Variants in PTPRN2 observed in about 807,000 individuals in gnomAD.
The protein encoded by PTPRN2 is protein tyrosine phosphatase receptor type N2, also known as receptor-type tyrosine-protein phosphatase N2.
In PTPRN2, 74 loss-of-function variants were observed where a neutral mutation model predicts 118.8. That is an observed-to-expected ratio of 0.62 (90% CI 0.52 to 0.76). The LOEUF is 0.76. Among genes scored for constraint, PTPRN2 ranks in the 30% least tolerant of loss-of-function variants. PTPRN2 has a pLI of 0.00. For missense variants in PTPRN2, 1,481 were observed against 1,394.4 expected (o/e 1.06, Z -0.99); for synonymous variants, 641 against 608.0 (o/e 1.05, Z -0.80).
At chr7:158,051,785 T>A (rs1214207321) in intron 11 of PTPRN2, among the ~76,000 whole-genome samples, 2 of 152,230 alleles carry the variant, frequency 1.3e-5, no homozygotes, top group African/African-American at 4.8e-5. Context: ...ATATGCCTCA[T>A]GTAAATTTAC....
At chr7:158,276,719 G>A (rs1006424622) in intron 3 of PTPRN2, among the ~76,000 whole-genome samples, 12 of 152,244 alleles carry the variant, frequency 7.9e-5, no homozygotes, top group East Asian at 1.9e-4. Context: ...GGAAGCTGAT[G>A]GATGTGGGTG....
chr7:157,895,349 C>A (rs956329048), intron 12 of PTPRN2, among the ~76,000 whole-genome samples: 9 of 147,952 alleles, frequency 6.1e-5, no homozygotes, highest in Admixed American at 1.3e-4. Context: ...AGGGTCTGAA[C>A]GAGTCAATAA....
At chr7:158,358,127 C>T (rs974000497) in intron 2 of PTPRN2, among the ~76,000 whole-genome samples, 4 of 152,214 alleles carry the variant, frequency 2.6e-5, no homozygotes, top group South Asian at 2.1e-4. Flanking sequence ...AACAGCAGCC[C>T]GGCTCACCCC....
In PTPRN2 at chr7:157,615,876, C is replaced by G. The variant is rs1037667111; in HGVS notation, c.2344+5486G>C. On this transcript the variant is annotated intron_variant, in intron 15 of 22. Transcript: ENST00000389418. The surrounding 1 kb of genome is among the most constrained non-coding windows in gnomAD (Gnocchi z 4.3). ...CACCGAAGACCTTAAGGAAAAGACT[C>G]TGGATGTTAGTGGGTTCGGCCTCAG... 3 of 337,980 alleles carry G rather than the reference C, an allele frequency of 8.9e-6. No homozygotes were observed. Among genetic ancestry groups the G allele is most frequent in the Non-Finnish European group, 1.7e-5 (3 of 171,786 alleles). The allele number at this position is 337,980 out of a possible 1,614,324, so 20.9% of individuals were successfully genotyped here.
At chr7:157,712,994 T>C (rs530411638) in intron 12 of PTPRN2, among the ~76,000 whole-genome samples, 1 of 152,266 alleles carries the variant, frequency 6.6e-6, no homozygotes, top group Non-Finnish European at 1.5e-5. Flanking sequence ...AGGTTCATGG[T>C]ACTTGGTGAG....
chr7:157,568,811 C>T (rs1799614706), intron 21 of PTPRN2, 91 bp downstream of exon 21: 3 of 1,368,328 alleles, frequency 2.2e-6, no homozygotes, highest in Non-Finnish European at 3.1e-6. Flanking sequence ...GAATTTTTTC[C>T]AGGGCCTCCC....
At position 158,240,945 on chromosome 7, in the gene PTPRN2, C is replaced by T. The variant is rs112264291; in HGVS notation, c.278-35672G>A. 2.0e-5 allele frequency among the ~76,000 whole-genome samples: 3 copies of T among 152,192 alleles called. No homozygotes were observed. The South Asian group carries it at 6.2e-4, about 32-fold the overall frequency. The stretch of plus-strand genomic sequence containing the variant: ...CTGGCTTTCCAGGCAGAGGCCTCTG[C>T]TGTGGTGCCCAGGAACCATGTCAGG... On this transcript the variant is annotated intron_variant, in intron 3 of 22. Coordinates refer to ENST00000389418, the MANE Select transcript of PTPRN2 (RefSeq NM_002847.5).
In PTPRN2 at chr7:158,359,791, C is replaced by G. The variant is rs573860368; in HGVS notation, c.164-42859G>C. Reference sequence around the variant, plus strand: ...TAAAACATGATTAAGAATGGCAGCCCAAGCGAGAGCCCAGATGCCTGAAGA... The same window carrying G: ...TAAAACATGATTAAGAATGGCAGCCGAAGCGAGAGCCCAGATGCCTGAAGA... On this transcript the variant is annotated intron_variant, in intron 2 of 22. Transcript: ENST00000389418. 7.9e-5 allele frequency among the ~76,000 whole-genome samples: 12 copies of G among 152,268 alleles called. No individual in the cohort carries two copies. The South Asian group carries it at 1.9e-3, about 24-fold the overall frequency.
rs371822765 is a variant in PTPRN2, at chr7:158,134,007, C to G, written c.1226G>C (p.Arg409Pro). ...AAAGGGGAGGGCTCCAGGTAAGAGT[C>G]GAGACCCGTGGTCCTGCAGGAGGCC... ...LGGLLQDHGS[R>P]LLPGALPFAR... Residue 409 changes from arginine to proline, a missense_variant, in exon 9 of 23, where the codon CGA (arginine) becomes CCA (proline). By Grantham distance (103) the Arg-to-Pro change is moderately radical (BLOSUM62 -2). Transcript: ENST00000389418. 1 of 1,613,840 alleles carries G rather than the reference C, an allele frequency of 6.2e-7. No individual in the cohort carries two copies. The highest frequency in any genetic ancestry group is 8.5e-7 in the Non-Finnish European group (1 of 1,180,030).
intron 2 of PTPRN2, among the ~76,000 whole-genome samples, chr7:158,439,492 G>A (rs1442613181): frequency 1.7e-4 from 26 of 152,146 alleles, no homozygotes; most frequent in Admixed American, 1.7e-3. Flanking sequence ...AGAGAAGAAA[G>A]GAGGAGAAGG....
intron 11 of PTPRN2, among the ~76,000 whole-genome samples, chr7:158,060,467 C>T (rs145068632): frequency 8.4e-4 from 128 of 152,376 alleles, no homozygotes; most frequent in South Asian, 1.7e-3. Context: ...TCTCTGTCTG[C>T]GCATGGCCGC....
Position 158,522,091 on chromosome 7 carries a change from A to G in PTPRN2, c.113-32306T>C, listed in dbSNP as rs368806855. Among the ~76,000 whole-genome samples the G allele has an allele frequency of 9.2e-3, 263 of 28,608 alleles. 2 individuals carry two copies. The highest frequency in any genetic ancestry group is 0.023 in the Middle Eastern group (1 of 44). The allele number at this position is 28,608 out of a possible 152,430, so 18.8% of individuals were successfully genotyped here. A position where few individuals can be genotyped will look rare whatever the true frequency, so the allele number is the denominator to read the frequency against. On this transcript the variant is annotated intron_variant, in intron 1 of 22. Coordinates refer to ENST00000389418, the MANE Select transcript of PTPRN2 (RefSeq NM_002847.5). ...TGGTGGACTGTCCAGGTGCTGGCTC[A>G]GGAGGGAGGTCCACGTCACAATGGT... is the stretch of plus-strand genomic sequence containing the variant.
chr7:158,275,399 G>C (rs1798895045), intron 3 of PTPRN2, among the ~76,000 whole-genome samples: 2 of 152,138 alleles, frequency 1.3e-5, no homozygotes, highest in African/African-American at 2.4e-5. Flanking sequence ...ACATTGCCTA[G>C]AGTTCGGCTA....
chr7:157,883,241 TCAGAGACCAGAACACACCACCCGAAAA>T (rs1796252871), intron 12 of PTPRN2, among the ~76,000 whole-genome samples: 1 of 146,488 alleles, frequency 6.8e-6, no homozygotes, highest in Non-Finnish European at 1.5e-5. Flanking sequence ...AAAATGACTG[TCAGAGACCAGAACACACCACCCGAAAA>T]TGACTGTCAG....
intron 11 of PTPRN2, among the ~76,000 whole-genome samples, chr7:157,905,784 G>A (rs973807611): frequency 2.6e-5 from 4 of 152,224 alleles, no homozygotes; most frequent in Non-Finnish European, 5.9e-5. Context: ...ATTAGAAGGT[G>A]GGAGGGGAGG....
At position 157,813,651 on chromosome 7, in the gene PTPRN2, C is replaced by T. The variant is rs1391026451; in HGVS notation, c.1788+85022G>A. Among the ~76,000 whole-genome samples the T allele has an allele frequency of 1.5e-4, 23 of 151,948 alleles. No individual in the cohort carries two copies. Among genetic ancestry groups the T allele is most frequent in the Admixed American group, 1.5e-3 (23 of 15,270 alleles). ...CGGGTCCGGGGGAGTCGCATTTCTT[C>T]CTCACTGCATCGCTGTATTTTCCAG... On this transcript the variant is annotated intron_variant, in intron 12 of 22. Transcript: ENST00000389418. The surrounding 1 kb of genome is among the most constrained non-coding windows in gnomAD (Gnocchi z 4.7).
chr7:157,836,917 G>A (rs1563156676), intron 12 of PTPRN2, among the ~76,000 whole-genome samples: 1 of 148,584 alleles, frequency 6.7e-6, no homozygotes, highest in Non-Finnish European at 1.5e-5. Context: ...CACCCACCCT[G>A]CACTCACCAC....
chr7:158,400,883 GCCCCCGTCCCAC>G (rs1441696861), intron 2 of PTPRN2, among the ~76,000 whole-genome samples: 4 of 152,010 alleles, frequency 2.6e-5, no homozygotes, highest in African/African-American at 9.7e-5. Flanking sequence ...CCAACCAGCA[GCCCCCGTCCCAC>G]CCCCCGCATT....
intron 1 of PTPRN2, among the ~76,000 whole-genome samples, chr7:158,586,769 GGACGCAGGTA>G: frequency 6.6e-6 from 1 of 152,322 alleles, no homozygotes; most frequent in South Asian, 2.1e-4. Context: ...GGGGTGCGGG[GGACGCAGGTA>G]GAAGCGGGTG....
Sources: gnomAD v4.1 joint callset for allele counts (sites outside exome capture counted in the v4.1 genomes callset) on GRCh38, gnomAD v4.1.1 for gene constraint, Gnocchi (gnomAD v3.1) non-coding constraint, MANE v1.5 for transcripts, NCBI Gene and HGNC (gene_info 2026-07-23, HGNC 2026-07-21) for gene names.